NCOR2: variants seen among roughly 807,000 people sequenced by gnomAD.
NCOR2 encodes the protein nuclear receptor corepressor 2, also known as CTG repeat protein 26.
In NCOR2, 81 loss-of-function variants were observed where a neutral mutation model predicts 262.9. That is an observed-to-expected ratio of 0.31 (90% CI 0.26 to 0.37). The LOEUF is 0.37. NCOR2 is among the 10% of genes least tolerant of loss of function. The probability of loss-of-function intolerance (pLI) is 1.00; values close to 1 mark genes in which losing one functional copy is unlikely to be tolerated. For missense variants in NCOR2, 3,385 were observed against 3,621.4 expected (o/e 0.93, Z 1.68); for synonymous variants, 1,659 against 1,559.3 (o/e 1.06, Z -1.51).
In NCOR2 at chr12:124,345,013, C is replaced by T. The variant is rs1298330467; in HGVS notation, c.4360-62G>A. 2.9e-6 allele frequency: 4 copies of T among 1,390,430 alleles called. No individual in the cohort carries two copies. The Admixed American group carries it at 9.9e-5, about 34-fold the overall frequency. 86.1% of individuals were successfully genotyped at this position (1,390,430 alleles called of 1,614,324 possible). A position where few individuals can be genotyped will look rare whatever the true frequency, so the allele number is the denominator to read the frequency against. ...CAGCCATAGCCCAGACCAGCTGCAT[C>T]CCCCTTCTGAGCCTCAAAAAGTTTG... On this transcript the variant is annotated intron_variant, in intron 31 of 46. Transcript: ENST00000405201.
chr12:124,494,393 A>G (rs2048265410), intron 1 of NCOR2, among the ~76,000 whole-genome samples: 1 of 152,210 alleles, frequency 6.6e-6, no homozygotes, highest in Admixed American at 6.5e-5. Context: ...GTATACAGCA[A>G]GCACCCCATA....
intron 6 of NCOR2, among the ~76,000 whole-genome samples, chr12:124,451,675 T>G (rs1183482553): frequency 6.6e-6 from 1 of 151,944 alleles, no homozygotes; most frequent in African/African-American, 2.4e-5. Context: ...GGTGGGAAGA[T>G]CAGGTACAGA....
At chr12:124,413,375 C>G (rs1157033647) in intron 13 of NCOR2, among the ~76,000 whole-genome samples, 1 of 152,224 alleles carries the variant, frequency 6.6e-6, no homozygotes, top group Non-Finnish European at 1.5e-5. Context: ...GGATTCGCAT[C>G]TGAAGGTAGA....
rs756364272 is a variant in NCOR2 at position 124,342,072 on chromosome 12, C to A, written c.4939G>T (p.Ala1647Ser). 8.7e-6 allele frequency: 14 copies of A among 1,605,878 alleles called. No homozygotes were observed. The highest frequency in any genetic ancestry group is 1.2e-5 in the Non-Finnish European group (14 of 1,176,438). ...AGGTGTCGGGGCAGGTAGTAGGCAG[C>A]GGCTGCGGGGCAGAGGGGAGCTCAT... Residue 1647 changes from alanine to serine, a missense_variant and splice_region_variant, in exon 34 of 47, where the codon GCT becomes TCT. Physicochemically the swap from Ala to Ser is moderately conservative, Grantham distance 99. Coordinates refer to ENST00000405201, the Ensembl canonical transcript of NCOR2.
At chr12:124,343,081 G>A (rs776029933) in exon 33 of NCOR2, 28 of 1,612,280 alleles carry the variant, frequency 1.7e-5, no homozygotes, top group Non-Finnish European at 2.3e-5. Flanking sequence ...ACAGGTCCAC[G>A]CCACTCACGC....
chr12:124,534,131 C>T (rs2050996998), intron 1 of NCOR2, among the ~76,000 whole-genome samples: 1 of 152,074 alleles, frequency 6.6e-6, no homozygotes, highest in African/African-American at 2.4e-5. Context: ...CAGTGGTACA[C>T]TAGGTATCCA....
At chr12:124,380,931 A>C (rs1333187974) in intron 17 of NCOR2, among the ~76,000 whole-genome samples, 4 of 152,196 alleles carry the variant, frequency 2.6e-5, no homozygotes, top group African/African-American at 9.7e-5. Flanking sequence ...AGGTGTGTGT[A>C]GAATAGGAGA....
intron 20 of NCOR2, among the ~76,000 whole-genome samples, chr12:124,368,539 T>C (rs567998632): frequency 6.6e-6 from 1 of 152,308 alleles, no homozygotes; most frequent in East Asian, 1.9e-4. Context: ...CTCTGACCTC[T>C]CCGCCCTCTC....
intron 20 of NCOR2, among the ~76,000 whole-genome samples, chr12:124,370,391 T>A (rs544830670): frequency 1.3e-5 from 2 of 152,162 alleles, no homozygotes; most frequent in South Asian, 4.1e-4. Flanking sequence ...GGGAATGTCC[T>A]AGGACTTCCC....
At chr12:124,327,710 GAAGGGAGAGAGA>G in intron 44 of NCOR2, 77 bp from the exon 47 acceptor site, 3 of 1,028,452 alleles carry the variant, frequency 2.9e-6, no homozygotes, top group Non-Finnish European at 4.3e-6. Context: ...CAGAGAGAGA[GAAGGGAGAGAGA>G]GAGGGAAGGA....
rs186838514 is a variant in NCOR2, at chr12:124,348,689, C to T, written c.3845-375G>A. ...GCGTGAACAAGTGCACACACATGCA[C>T]GTGAGCAAGGACGCATCAGCAGTGT... On this transcript the variant is annotated intron_variant, in intron 28 of 46. Coordinates refer to ENST00000405201, the Ensembl canonical transcript of NCOR2. The T allele has an allele frequency of 4.0e-4, 117 of 293,154 alleles. No individual in the cohort carries two copies. The East Asian group carries it at 6.2e-3, about 15-fold the overall frequency. 18.2% of individuals were successfully genotyped at this position (293,154 alleles called of 1,614,324 possible). A position where few individuals can be genotyped will look rare whatever the true frequency, so the allele number is the denominator to read the frequency against.
At chr12:124,472,015 G>A (rs573850639) in intron 4 of NCOR2, among the ~76,000 whole-genome samples, 1 of 152,320 alleles carries the variant, frequency 6.6e-6, no homozygotes, top group African/African-American at 2.4e-5. Context: ...ACAAGTGGTC[G>A]TGGCTGTGCC....
rs2036601996 is a variant in NCOR2 at position 124,343,244 on chromosome 12, G to A, written c.4715-18C>T. 2 of 1,602,216 alleles carry A rather than the reference G, an allele frequency of 1.2e-6. No individual in the cohort carries two copies. Among genetic ancestry groups the A allele is most frequent in the Non-Finnish European group, 1.7e-6 (2 of 1,173,302 alleles). On this transcript the variant is annotated intron_variant, in intron 32 of 46. Coordinates refer to ENST00000405201, the Ensembl canonical transcript of NCOR2. ...AAGGCTGCCTGTGGACGGGCAAGGT[G>A]GATGCATCGGGCCTCTGGGGCTGGC... is the stretch of plus-strand genomic sequence containing the variant.
At chr12:124,505,083 G>A (rs191128111) in intron 1 of NCOR2, among the ~76,000 whole-genome samples, 1 of 152,184 alleles carries the variant, frequency 6.6e-6, no homozygotes, top group Non-Finnish European at 1.5e-5. Context: ...TTCCAGCCAT[G>A]GCCGGCTGGA....
At chr12:124,331,883 G>A (rs142927375) in intron 43 of NCOR2, 5 of 171,026 alleles carry the variant, frequency 2.9e-5, no homozygotes, top group East Asian at 1.5e-4. Flanking sequence ...ACCCACTCAC[G>A]TATTCCCTGG....
In NCOR2 at chr12:124,333,431, G is replaced by T; in HGVS notation, c.6606-152C>A. On this transcript the variant is annotated intron_variant, in intron 41 of 46. Coordinates refer to ENST00000405201, the Ensembl canonical transcript of NCOR2. ...CATTTTCGACCACAAGTAATCTCTG[G>T]CATGTATCGTTATCATTTTTATTTT... 6.6e-6 allele frequency: 4 copies of T among 604,866 alleles called. No homozygotes were observed. In the South Asian group the frequency reaches 1.4e-4, roughly 21 times the overall value. The allele number at this position is 604,866 out of a possible 1,614,324, so 37.5% of individuals were successfully genotyped here.
chr12:124,518,716 G>C (rs1256164786), intron 1 of NCOR2, among the ~76,000 whole-genome samples: 1 of 152,266 alleles, frequency 6.6e-6, no homozygotes, highest in Non-Finnish European at 1.5e-5. Flanking sequence ...CTCGGGAGCT[G>C]AAACACTGTG....
intron 7 of NCOR2, 143 bp downstream of exon 9, chr12:124,449,672 T>A: frequency 2.0e-5 from 13 of 657,608 alleles, no homozygotes; most frequent in East Asian, 6.3e-5. Context: ...GACTGTCTCC[T>A]GTCCCCTCCG....
At position 124,517,590 on chromosome 12, in the gene NCOR2, C is replaced by A. The variant is rs1408161660; in HGVS notation, c.-118+17975G>T. ...CCCCTGCCTGAGCCCACCGCGGAGC[C>A]CCAGGGCAGAGCCTCGGGAGCGCCC... On this transcript the variant is annotated intron_variant, in intron 1 of 46. Coordinates refer to the NCOR2 transcript ENST00000404621. The surrounding 1 kb of genome is among the most constrained non-coding windows in gnomAD (Gnocchi z 7.6). Among the ~76,000 whole-genome samples the A allele has an allele frequency of 2.0e-5, 3 of 152,192 alleles. No homozygotes were observed. Among genetic ancestry groups the A allele is most frequent in the Admixed American group, 2.0e-4 (3 of 15,286 alleles).
Sources: allele counts gnomAD v4.1 joint callset (sites outside exome capture counted in the v4.1 genomes callset), GRCh38; gene constraint gnomAD v4.1.1; non-coding constraint Gnocchi (gnomAD v3.1); transcripts MANE v1.5; gene names NCBI Gene and HGNC (gene_info 2026-07-23, HGNC 2026-07-21).